Variants in IQCM observed in about 807,000 individuals in gnomAD.
IQCM encodes the protein IQ motif containing M.
Under a neutral mutation model 57.6 loss-of-function variants are expected in IQCM, and 45 were observed. That is an observed-to-expected ratio of 0.78 (90% CI 0.62 to 1.00). The LOEUF (loss-of-function observed/expected upper bound fraction) is 1.00, where lower values mean the gene tolerates loss of function less well. IQCM is among the 50% of genes least tolerant of loss of function. The pLI, the probability that IQCM is intolerant of heterozygous loss-of-function variation, is 0.00. For synonymous variants in IQCM, 148 were observed against 158.9 expected (o/e 0.93, Z 0.51); for missense variants, 468 against 511.6 (o/e 0.91, Z 0.82).
chr4:149,359,425 T>C (rs1413698453), intron 13 of IQCM, among the ~76,000 whole-genome samples: 2 of 152,178 alleles, frequency 1.3e-5, no homozygotes, highest in Admixed American at 6.5e-5. Flanking sequence ...CAATGGAAAA[T>C]ATTATTTATG....
chr4:149,422,827 T>A (rs1734206107), intron 13 of IQCM, among the ~76,000 whole-genome samples: 1 of 152,024 alleles, frequency 6.6e-6, no homozygotes, highest in African/African-American at 2.4e-5. Context: ...CCACTCAAGG[T>A]TTAAATATTC....
At chr4:149,733,855 A>G (rs1489860043) in intron 4 of IQCM, among the ~76,000 whole-genome samples, 1 of 152,176 alleles carries the variant, frequency 6.6e-6, no homozygotes, top group African/African-American at 2.4e-5. Flanking sequence ...TCAAATAGAC[A>G]TGTAAGAATT....
chr4:149,644,637 A>G (rs1758487276), intron 7 of IQCM, among the ~76,000 whole-genome samples: 1 of 152,174 alleles, frequency 6.6e-6, no homozygotes, highest in African/African-American at 2.4e-5. Context: ...GCTGCTGTGA[A>G]CATTCCTGTA....
At chr4:149,470,891 G>A (rs1739452616) in intron 12 of IQCM, among the ~76,000 whole-genome samples, 1 of 152,162 alleles carries the variant, frequency 6.6e-6, no homozygotes, top group South Asian at 2.1e-4. Flanking sequence ...CGAAATGAAG[G>A]TAGAAATAAA....
chr4:149,352,974 A>G (rs1376687612), intron 13 of IQCM, among the ~76,000 whole-genome samples: 1 of 152,200 alleles, frequency 6.6e-6, no homozygotes, highest in African/African-American at 2.4e-5. Flanking sequence ...AAATTATAAG[A>G]AGAATAATCA....
chr4:149,714,034 C>T (rs1764784108), intron 5 of IQCM, among the ~76,000 whole-genome samples: 1 of 152,156 alleles, frequency 6.6e-6, no homozygotes, highest in Non-Finnish European at 1.5e-5. Flanking sequence ...TCTAATTTCT[C>T]TCCCTCAATT....
At chr4:149,636,163 G>A (rs367939916) in intron 7 of IQCM, among the ~76,000 whole-genome samples, 15 of 152,272 alleles carry the variant, frequency 9.9e-5, no homozygotes, top group African/African-American at 3.6e-4. Flanking sequence ...GCAGTCTGAT[G>A]ATCTGCAATG....
chr4:149,504,933 T>C (rs1162919673), intron 12 of IQCM, among the ~76,000 whole-genome samples: 2 of 151,970 alleles, frequency 1.3e-5, no homozygotes, highest in African/African-American at 4.8e-5. Context: ...AGGGCTCCTT[T>C]ATCCCAGCAA....
intron 5 of IQCM, among the ~76,000 whole-genome samples, chr4:149,687,998 G>A (rs563535436): frequency 2.6e-5 from 4 of 152,040 alleles, no homozygotes; most frequent in African/African-American, 9.6e-5. Context: ...ACATAATACT[G>A]AATAGGGAAA....
intron 9 of IQCM, among the ~76,000 whole-genome samples, chr4:149,569,880 T>C (rs1750992442): frequency 6.6e-6 from 1 of 152,126 alleles, no homozygotes; most frequent in South Asian, 2.1e-4. Context: ...ACTGATTGAA[T>C]TATGTTTCAT....
intron 12 of IQCM, among the ~76,000 whole-genome samples, chr4:149,516,006 T>C (rs549941912): frequency 6.6e-6 from 1 of 152,290 alleles, no homozygotes; most frequent in African/African-American, 2.4e-5. Context: ...CACCTGTCAT[T>C]GCCCAGTGGG....
chr4:149,488,876 T>G (rs988428879), intron 12 of IQCM, among the ~76,000 whole-genome samples: 1 of 152,184 alleles, frequency 6.6e-6, no homozygotes, highest in African/African-American at 2.4e-5. Flanking sequence ...TCTGAAAATG[T>G]GAGTAGCCTT....
At chr4:149,653,530 T>C (rs1759379440) in intron 7 of IQCM, among the ~76,000 whole-genome samples, 1 of 152,076 alleles carries the variant, frequency 6.6e-6, no homozygotes, top group South Asian at 2.1e-4. Context: ...TTTTATATTG[T>C]ATGTGTGTAT....
rs986369332 is a variant in IQCM at position 149,659,790 on chromosome 4, G to T, written c.565+22328C>A. Among the ~76,000 whole-genome samples, 22 of 151,930 alleles carry T rather than the reference G, an allele frequency of 1.4e-4. 1 individual carries two copies. Among genetic ancestry groups the T allele is most frequent in the African/African-American group, 5.1e-4 (21 of 41,406 alleles). On this transcript the variant is annotated intron_variant, in intron 7 of 13. Coordinates refer to ENST00000636793, the MANE Select transcript of IQCM (RefSeq NM_001363507.2). ...ACTGGCTAGCCATATGTAGAAAGCTGAAACTGGATCCCTTCCTTACACCTG... is the reference window on the plus strand; with the variant it reads ...ACTGGCTAGCCATATGTAGAAAGCTTAAACTGGATCCCTTCCTTACACCTG...
intron 12 of IQCM, among the ~76,000 whole-genome samples, chr4:149,524,013 T>C (rs1466595623): frequency 6.6e-6 from 1 of 152,100 alleles, no homozygotes; most frequent in African/African-American, 2.4e-5. Context: ...CAAATGTCCA[T>C]CAACAAGAGA....
At position 149,458,396 on chromosome 4, in the gene IQCM, C is replaced by G. The variant is rs564175278; in HGVS notation, c.1229-24839G>C. On this transcript the variant is annotated intron_variant, in intron 12 of 13. Transcript: ENST00000636793. ...CTTAAGATTTATTTTTTAAAAAGTA[C>G]CCAGTAAGTAAATTTAGAGCCAAAG... 1.8e-4 allele frequency among the ~76,000 whole-genome samples: 27 copies of G among 151,770 alleles called. No individual in the cohort carries two copies. In the South Asian group the frequency reaches 5.6e-3, roughly 32 times the overall value.
At chr4:149,560,629 AT>A (rs1750029434) in intron 10 of IQCM, among the ~76,000 whole-genome samples, 1 of 152,214 alleles carries the variant, frequency 6.6e-6, no homozygotes, top group Non-Finnish European at 1.5e-5. Flanking sequence ...TGTGTAAAAA[AT>A]ATTCATATTA....
chr4:149,559,148 C>G (rs1206172131), intron 10 of IQCM, among the ~76,000 whole-genome samples: 1 of 152,148 alleles, frequency 6.6e-6, no homozygotes, highest in Non-Finnish European at 1.5e-5. Context: ...ATTTCCCCAT[C>G]ACCACCATGC....
chr4:149,679,366 G>C (rs565480294), intron 7 of IQCM, among the ~76,000 whole-genome samples: 2 of 151,662 alleles, frequency 1.3e-5, no homozygotes, highest in East Asian at 3.9e-4. Context: ...GGTTATCAGA[G>C]GCCATGAAGG....
Sources: allele counts gnomAD v4.1 joint callset (sites outside exome capture counted in the v4.1 genomes callset), GRCh38; gene constraint gnomAD v4.1.1; transcripts MANE v1.5; gene names NCBI Gene and HGNC (gene_info 2026-07-23, HGNC 2026-07-21).